Variants in EPB41 observed in about 807,000 individuals in gnomAD.
EPB41 encodes protein 4.1.
EPB41 carries 65 observed loss-of-function variants against 108.0 expected under a neutral mutation model. The observed-to-expected ratio is 0.60, with a 90% CI of 0.49 to 0.74. The LOEUF (loss-of-function observed/expected upper bound fraction) is 0.74, where lower values mean the gene tolerates loss of function less well. Among genes scored for constraint, EPB41 ranks in the 30% least tolerant of loss-of-function variants. EPB41 has a pLI of 0.00. For missense variants in EPB41, 875 were observed against 1,037.0 expected (o/e 0.84, Z 2.15); for synonymous variants, 336 against 358.9 (o/e 0.94, Z 0.72).
chr1:29,101,450 A>G (rs144969234), intron 17 of EPB41, among the ~76,000 whole-genome samples: 95 of 152,254 alleles, frequency 6.2e-4, no homozygotes, highest in African/African-American at 2.2e-3. Flanking sequence ...TAGTGTCAGT[A>G]TGCTTCCCTA....
intron 11 of EPB41, among the ~76,000 whole-genome samples, chr1:29,048,966 T>C (rs913086072): frequency 3.9e-5 from 6 of 152,228 alleles, no homozygotes; most frequent in African/African-American, 1.4e-4. Context: ...AAAGATACTT[T>C]TTCCCGTTGA....
chr1:28,948,035 G>T (rs2094549834), intron 1 of EPB41, among the ~76,000 whole-genome samples: 1 of 151,412 alleles, frequency 6.6e-6, no homozygotes, highest in Middle Eastern at 3.4e-3. Flanking sequence ...AAACATACTT[G>T]TGGACATTGT....
chr1:29,054,552 A>C (rs952495010), intron 12 of EPB41: 6 of 151,274 alleles, frequency 4.0e-5, no homozygotes, highest in South Asian at 2.1e-4. Flanking sequence ...AAAAAAAAAA[A>C]AAAAAAAAAC....
rs756387224 is a variant in EPB41 at position 28,987,915 on chromosome 1, T to G, written c.468+10T>G. ...CAGTGCAGAAACACAGGTAAGGATG[T>G]GTGGATATGGGAGGTGGGCAAAGGA... On this transcript the variant is annotated intron_variant, in intron 2 of 20. Coordinates refer to ENST00000343067, the MANE Select transcript of EPB41 (RefSeq NM_001376013.1). The G allele has an allele frequency of 6.2e-7, 1 of 1,613,322 alleles. No homozygotes were observed. The highest frequency in any genetic ancestry group is 1.7e-5 in the Admixed American group (1 of 60,032).
chr1:29,052,321 A>T (rs1455648417), intron 11 of EPB41, among the ~76,000 whole-genome samples: 1 of 152,230 alleles, frequency 6.6e-6, no homozygotes, highest in Non-Finnish European at 1.5e-5. Context: ...GTCTCCGGAC[A>T]TTGCCAGATA....
intron 1 of EPB41, among the ~76,000 whole-genome samples, chr1:28,954,584 T>C (rs2094870290): frequency 1.3e-5 from 2 of 152,044 alleles, no homozygotes; most frequent in Admixed American, 1.3e-4. Flanking sequence ...CTTAAGTAAC[T>C]TTTTTTTAAG....
At position 28,905,018 on chromosome 1, in the gene EPB41, G is replaced by A. The variant is rs186334968; in HGVS notation, c.-8+17808G>A. Among the ~76,000 whole-genome samples, 395 of 121,436 alleles carry A rather than the reference G, an allele frequency of 3.3e-3. 3 individuals are homozygous for A. Among genetic ancestry groups the A allele is most frequent in the African/African-American group, 0.012 (336 of 28,448 alleles). 79.7% of individuals were successfully genotyped at this position (121,436 alleles called of 152,430 possible). A position where few individuals can be genotyped will look rare whatever the true frequency, so the allele number is the denominator to read the frequency against. On this transcript the variant is annotated intron_variant, in intron 1 of 16. Coordinates refer to the EPB41 transcript ENST00000347529. ...TGCACTCCAGCCTGGGCGACAGAAC[G>A]AGACTCTGTCTCAAAAAAAAAAAAA...
intron 7 of EPB41, among the ~76,000 whole-genome samples, chr1:29,026,721 C>A (rs969446926): frequency 6.6e-6 from 1 of 152,038 alleles, no homozygotes; most frequent in African/African-American, 2.4e-5. Context: ...CCCAAGAGTT[C>A]ACTTGAACCT....
chr1:29,060,337 G>C (rs965033366), intron 14 of EPB41, 85 bp from the exon 15 acceptor site: 11 of 1,180,834 alleles, frequency 9.3e-6, no homozygotes, highest in African/African-American at 9.1e-5. Context: ...AATATTTTTT[G>C]GTTTGCCAAT....
intron 11 of EPB41, among the ~76,000 whole-genome samples, chr1:29,047,101 C>G (rs1026189898): frequency 6.6e-6 from 1 of 151,984 alleles, no homozygotes; most frequent in Admixed American, 6.6e-5. Flanking sequence ...TAGAAGAATT[C>G]GCCTATGAAG....
chr1:29,045,639 G>A (rs1642933264), intron 11 of EPB41, among the ~76,000 whole-genome samples: 1 of 149,794 alleles, frequency 6.7e-6, no homozygotes, highest in Non-Finnish European at 1.5e-5. Context: ...ACAAGAGTGA[G>A]CCACCACACC....
At chr1:29,024,588 G>A (rs911517780) in intron 7 of EPB41, among the ~76,000 whole-genome samples, 3 of 151,812 alleles carry the variant, frequency 2.0e-5, no homozygotes, top group South Asian at 4.1e-4. Flanking sequence ...AGCCGAGATC[G>A]CACCACTGCA....
chr1:28,975,982 T>C (rs1000780315), intron 1 of EPB41, among the ~76,000 whole-genome samples: 3 of 149,668 alleles, frequency 2.0e-5, no homozygotes, highest in African/African-American at 7.4e-5. Flanking sequence ...AAGAAATATG[T>C]ACATGGGCGG....
At chr1:28,918,227 A>G (rs1257344760) in intron 1 of EPB41, among the ~76,000 whole-genome samples, 2 of 151,866 alleles carry the variant, frequency 1.3e-5, no homozygotes, top group Non-Finnish European at 2.9e-5. Flanking sequence ...AAATTTTTGT[A>G]TTTTTAGTAG....
At chr1:29,050,869 G>A (rs577873810) in intron 11 of EPB41, among the ~76,000 whole-genome samples, 1 of 151,734 alleles carries the variant, frequency 6.6e-6, no homozygotes, top group East Asian at 2.0e-4. Context: ...GTAGAGATGG[G>A]TTTCACTGTG....
chr1:28,916,933 G>C (rs2092716627), intron 1 of EPB41, among the ~76,000 whole-genome samples: 1 of 151,796 alleles, frequency 6.6e-6, no homozygotes, highest in Non-Finnish European at 1.5e-5. Context: ...TGGGACTATA[G>C]GCGTGTGCCC....
At chr1:28,969,144 G>A (rs1157602580) in intron 1 of EPB41, among the ~76,000 whole-genome samples, 1 of 150,196 alleles carries the variant, frequency 6.7e-6, no homozygotes, top group Non-Finnish European at 1.5e-5. Flanking sequence ...CGGTGCAGTG[G>A]CACAGTCTCA....
Position 28,987,668 on chromosome 1 carries a change from A to T in EPB41, c.231A>T (p.Arg77Ser). The T allele has an allele frequency of 6.2e-7, 1 of 1,614,248 alleles. No individual in the cohort carries two copies. The highest frequency in any genetic ancestry group is 2.2e-5 in the East Asian group (1 of 44,888). Residue 77 changes from arginine (R) to serine (S), a missense_variant, in exon 2 of 21, where the codon AGA becomes AGT. Around this residue, in one of 3 missense-constraint regions of EPB41, gnomAD observed 353 missense variants for 393.2 expected, o/e 0.90. Transcript: ENST00000343067. ...ACAAGGAGCGGACATCAGAAAGCAGAGGACTTTCACGACTATTCTCCTCGT... is the reference window on the plus strand; with the variant it reads ...ACAAGGAGCGGACATCAGAAAGCAGTGGACTTTCACGACTATTCTCCTCGT... ...TKNKERTSES[R>S]GLSRLFSSFL...
chr1:29,070,793 A>G, intron 16 of EPB41: 2 of 986,848 alleles, frequency 2.0e-6, no homozygotes, highest in Non-Finnish European at 2.6e-6. Context: ...GTGGGGTACA[A>G]AGGAGTAGCA....
Sources: gnomAD v4.1 joint callset for allele counts (sites outside exome capture counted in the v4.1 genomes callset) on GRCh38, gnomAD v4.1.1 for gene constraint, gnomAD v4.1.1 regional missense constraint, MANE v1.5 for transcripts, NCBI Gene and HGNC (gene_info 2026-07-23, HGNC 2026-07-21) for gene names.